NOS1: variants seen among roughly 807,000 people sequenced by gnomAD.
NOS1 encodes the protein NOS type I.
In NOS1, 51 loss-of-function variants were observed where a neutral mutation model predicts 164.5. The observed-to-expected ratio is 0.31, with a 90% confidence interval of 0.25 to 0.39. NOS1 has a LOEUF of 0.39. Among genes scored for constraint, NOS1 ranks in the 10% least tolerant of loss-of-function variants. The pLI is 1.00. For missense variants in NOS1, 1,362 were observed against 1,885.6 expected (o/e 0.72, Z 5.14); for synonymous variants, 719 against 745.8 (o/e 0.96, Z 0.59).
rs890634655 is a variant in NOS1 at position 117,211,217 on chromosome 12, C to G, written c.*4092G>C. The G allele has an allele frequency of 1.0e-6, 1 of 982,972 alleles. No homozygotes were observed. The highest frequency in any genetic ancestry group is 1.7e-5 in the African/African-American group (1 of 57,200). The allele number at this position is 982,972 out of a possible 1,614,324, so 60.9% of individuals were successfully genotyped here. A position where few individuals can be genotyped will look rare whatever the true frequency, so the allele number is the denominator to read the frequency against. Reference sequence around the variant, plus strand: ...AACTGATACACCCACCTCGGCCTCCCAAAGTGCTGGGATTACAGACATGAG... The same window carrying G: ...AACTGATACACCCACCTCGGCCTCCGAAAGTGCTGGGATTACAGACATGAG... On this transcript the variant is annotated 3_prime_UTR_variant, in exon 29 of 29. Coordinates refer to ENST00000317775, the MANE Select transcript of NOS1 (RefSeq NM_000620.5).
chr12:117,235,510 G>A (rs1006682694), intron 20 of NOS1, among the ~76,000 whole-genome samples: 4 of 152,042 alleles, frequency 2.6e-5, no homozygotes, highest in East Asian at 3.9e-4. Flanking sequence ...AGGGTTCCTC[G>A]TATTGTTATG....
At chr12:117,240,396 G>A (rs1361433923) in intron 20 of NOS1, among the ~76,000 whole-genome samples, 1 of 152,156 alleles carries the variant, frequency 6.6e-6, no homozygotes, top group African/African-American at 2.4e-5. Context: ...TAAATTTGCA[G>A]GTGACATGAA....
At chr12:117,275,146 A>G (rs1026779084) in intron 9 of NOS1, among the ~76,000 whole-genome samples, 1 of 152,108 alleles carries the variant, frequency 6.6e-6, no homozygotes, top group Admixed American at 6.5e-5. Context: ...GCATAAATAT[A>G]TACACACATA....
At position 117,232,129 on chromosome 12, in the gene NOS1, C is replaced by T; in HGVS notation, c.3238G>A (p.Val1080Ile). Residue 1080 changes from valine (V) to isoleucine (I), a missense_variant and splice_region_variant, in exon 22 of 29, where the codon GTC becomes ATC. By Grantham distance (29) the Val-to-Ile change is conservative. Coordinates refer to ENST00000317775, the MANE Select transcript of NOS1 (RefSeq NM_000620.5). ...AGCTCGTCTGTCCAGTTACTGATGA[C>T]ACCTGTGGAGGTACAAGGCAGGTGA... ...LLEERNTALGVISNWTDELRL... is the reference protein window; with the variant it reads ...LLEERNTALGIISNWTDELRL... The T allele has an allele frequency of 1.9e-6, 3 of 1,611,752 alleles. 1 individual carries two copies. The highest frequency in any genetic ancestry group is 4.5e-4 in the Middle Eastern group (2 of 4,438).
Position 117,212,396 on chromosome 12 carries a change from G to T in NOS1, c.*2913C>A. The stretch of plus-strand genomic sequence containing the variant: ...ATTGATGGGTCTGAAGTGTCCCCCC[G>T]CAAAAGAAAGACACCTGGCTGTCTC... On this transcript the variant is annotated 3_prime_UTR_variant, in exon 29 of 29. Transcript: ENST00000317775. The T allele has an allele frequency of 1.0e-6, 1 of 985,242 alleles. No individual in the cohort carries two copies. The highest frequency in any genetic ancestry group is 1.7e-5 in the African/African-American group (1 of 57,310). 61.0% of individuals were successfully genotyped at this position (985,242 alleles called of 1,614,324 possible). A position where few individuals can be genotyped will look rare whatever the true frequency, so the allele number is the denominator to read the frequency against.
chr12:117,242,988 GC>G (rs1870308037), intron 19 of NOS1, among the ~76,000 whole-genome samples: 1 of 152,202 alleles, frequency 6.6e-6, no homozygotes, highest in East Asian at 1.9e-4. Flanking sequence ...AGGAGATGAG[GC>G]AGGCATTGGT....
Position 117,263,937 on chromosome 12 carries a change from T to C in NOS1, c.2174A>G (p.Asn725Ser), listed in dbSNP as rs199519839. ...GGCTCGCCGCTTTGTGGGGGTCCCG[T>C]TGGTGCCTTTCCAGACATGCGTGTT... ...PWNTHVWKGT[N>S]GTPTKRRAIG... is the part of the protein sequence containing the mutation. Residue 725 changes from asparagine (N) to serine (S), a missense_variant, in exon 13 of 29, where the codon AAC becomes AGC. Physicochemically the swap from Asn to Ser is conservative, Grantham distance 46. Coordinates refer to ENST00000317775, the MANE Select transcript of NOS1 (RefSeq NM_000620.5). The C allele has an allele frequency of 5.0e-6, 8 of 1,613,748 alleles. No homozygotes were observed. The highest frequency in any genetic ancestry group is 6.8e-6 in the Non-Finnish European group (8 of 1,179,844).
At chr12:117,217,150 A>C (rs1956624536) in intron 28 of NOS1, among the ~76,000 whole-genome samples, 1 of 152,086 alleles carries the variant, frequency 6.6e-6, no homozygotes, top group African/African-American at 2.4e-5. Context: ...CTAGAGGTTC[A>C]GTGAAATTGT....
intron 20 of NOS1, among the ~76,000 whole-genome samples, chr12:117,235,582 T>A (rs4766837): frequency 0.11 from 17,283 of 152,200 alleles, 1,356 homozygotes; most frequent in Admixed American, 0.29. Context: ...TCATCAATAT[T>A]ACAAAATTGA....
intron 2 of NOS1, among the ~76,000 whole-genome samples, chr12:117,328,449 G>GT (rs1482011748): frequency 3.3e-5 from 5 of 152,224 alleles, no homozygotes; most frequent in African/African-American, 1.2e-4. Flanking sequence ...GATTATAGGC[G>GT]TGAGCCACCT....
intron 20 of NOS1, among the ~76,000 whole-genome samples, chr12:117,237,632 G>C (rs1261661844): frequency 4.0e-5 from 6 of 151,746 alleles, no homozygotes; most frequent in Admixed American, 1.3e-4. Context: ...CTCAATGATA[G>C]GTTTGCAGAT....
intron 25 of NOS1, among the ~76,000 whole-genome samples, chr12:117,224,786 A>G (rs1243148884): frequency 6.6e-6 from 1 of 152,250 alleles, no homozygotes; most frequent in Non-Finnish European, 1.5e-5. Context: ...TCACATCTTA[A>G]CAGTCAAAGA....
Position 117,243,193 on chromosome 12 carries a change from T to C in NOS1, c.2962+104A>G. The C allele has an allele frequency of 7.1e-7, 1 of 1,412,892 alleles. No homozygotes were observed. The highest frequency in any genetic ancestry group is 9.7e-7 in the Non-Finnish European group (1 of 1,027,884). The allele number at this position is 1,412,892 out of a possible 1,614,324, so 87.5% of individuals were successfully genotyped here. ...TTGGTAGGACTGCACTAAAGGGAGATCAAAGCAATGAAGCCCATCTTCTCT... is the reference window on the plus strand; with the variant it reads ...TTGGTAGGACTGCACTAAAGGGAGACCAAAGCAATGAAGCCCATCTTCTCT... On this transcript the variant is annotated intron_variant, in intron 19 of 28. Transcript: ENST00000317775. The surrounding 1 kb of genome is among the most constrained non-coding windows in gnomAD (Gnocchi z 4.3).
intron 23 of NOS1, among the ~76,000 whole-genome samples, chr12:117,227,215 A>G (rs1868770768): frequency 6.6e-6 from 1 of 152,166 alleles, no homozygotes; most frequent in Non-Finnish European, 1.5e-5. Flanking sequence ...GCGCCACTGT[A>G]AATACACATC....
chr12:117,299,871 C>T (rs1873697264), intron 3 of NOS1, among the ~76,000 whole-genome samples: 1 of 151,756 alleles, frequency 6.6e-6, no homozygotes, highest in Non-Finnish European at 1.5e-5. Flanking sequence ...ATAGTATAGC[C>T]AGATGTTACT....
chr12:117,267,117 C>A (rs912726267), intron 11 of NOS1, among the ~76,000 whole-genome samples: 1 of 152,188 alleles, frequency 6.6e-6, no homozygotes, highest in Non-Finnish European at 1.5e-5. Context: ...GCTGTGTGTG[C>A]CTCTCACGTG....
In NOS1 at chr12:117,213,047, T is replaced by C; in HGVS notation, c.*2262A>G. ...TGGACTCCTTGACAAAATGAGACAA[T>C]GTTTCCATCTGTCTGCTACTAGAAA... is the stretch of plus-strand genomic sequence containing the variant. On this transcript the variant is annotated 3_prime_UTR_variant, in exon 29 of 29. Transcript: ENST00000317775. 1.0e-6 allele frequency: 1 copy of C among 985,440 alleles called. No individual in the cohort carries two copies. Among genetic ancestry groups the C allele is most frequent in the South Asian group, 4.7e-5 (1 of 21,290 alleles). 61.0% of individuals were successfully genotyped at this position (985,440 alleles called of 1,614,324 possible). A position where few individuals can be genotyped will look rare whatever the true frequency, so the allele number is the denominator to read the frequency against.
chr12:117,249,232 G>T, intron 17 of NOS1, among the ~76,000 whole-genome samples: 1 of 152,138 alleles, frequency 6.6e-6, no homozygotes, highest in East Asian at 1.9e-4. Flanking sequence ...TGGTGGTCAG[G>T]CAACCCCAAG....
Position 117,210,522 on chromosome 12 carries a change from A to G in NOS1, c.*4787T>C, listed in dbSNP as rs1956511073. ...TACAAGGAAACATGGCTGGTTTAAA[A>G]CACAGGCTAGAAGTCCACAGATTTC... is the stretch of plus-strand genomic sequence containing the variant. On this transcript the variant is annotated 3_prime_UTR_variant, in exon 29 of 29. Coordinates refer to ENST00000317775, the MANE Select transcript of NOS1 (RefSeq NM_000620.5). 1 of 985,308 alleles carries G rather than the reference A, an allele frequency of 1.0e-6. No homozygotes were observed. The highest frequency in any genetic ancestry group is 1.7e-5 in the African/African-American group (1 of 57,232). 61.0% of individuals were successfully genotyped at this position (985,308 alleles called of 1,614,324 possible).
Sources: gnomAD v4.1 joint callset for allele counts (sites outside exome capture counted in the v4.1 genomes callset) on GRCh38, gnomAD v4.1.1 for gene constraint, Gnocchi (gnomAD v3.1) non-coding constraint, MANE v1.5 for transcripts, NCBI Gene and HGNC (gene_info 2026-07-23, HGNC 2026-07-21) for gene names.